ADGRV1: variants seen among roughly 807,000 people sequenced by gnomAD.
The protein encoded by ADGRV1 is G-protein coupled receptor 98.
ADGRV1 carries 359 observed loss-of-function variants against 596.2 expected under a neutral mutation model. The observed-to-expected ratio is 0.60, with a 90% CI of 0.55 to 0.66. The LOEUF is 0.66. Ranked by LOEUF, ADGRV1 falls within the 30% of genes least tolerant of loss-of-function variation. The pLI is 0.00. For missense variants in ADGRV1, 7,274 were observed against 7,575.6 expected, an observed-to-expected ratio of 0.96 and a Z score of 1.48; for synonymous variants, 2,681 against 2,679.2, an observed-to-expected ratio of 1.00 and a Z score of -0.02.
At chr5:90,807,464 C>G (rs1762013084) in intron 72 of ADGRV1, 138 bp from the exon 73 acceptor site, 16 of 838,894 alleles carry the variant, frequency 1.9e-5, no homozygotes, top group Non-Finnish European at 2.6e-5. Context: ...CCCCCGACCC[C>G]TTTTTAAAAA....
chr5:90,569,368 TATATATATATATATATA>T (rs1756100797), intron 1 of ADGRV1, among the ~76,000 whole-genome samples: 1 of 21,376 alleles, frequency 4.7e-5, no homozygotes, highest in East Asian at 1.2e-3. Flanking sequence ...TATATATATA[TATATATATATATATATA>T]TATTTTTTTT....
chr5:90,831,692 A>G (rs928287173), intron 77 of ADGRV1, among the ~76,000 whole-genome samples: 2 of 152,022 alleles, frequency 1.3e-5, no homozygotes, highest in African/African-American at 4.8e-5. Flanking sequence ...CTCATTAACC[A>G]TTCTAACTTC....
At chr5:90,600,233 C>T (rs1420530565) in intron 1 of ADGRV1, among the ~76,000 whole-genome samples, 1 of 152,052 alleles carries the variant, frequency 6.6e-6, no homozygotes, top group African/African-American at 2.4e-5. Flanking sequence ...TATACATATG[C>T]CATGTTGGTT....
chr5:91,040,856 A>G (rs1449761844), intron 85 of ADGRV1, among the ~76,000 whole-genome samples: 4 of 152,206 alleles, frequency 2.6e-5, no homozygotes, highest in Non-Finnish European at 5.9e-5. Flanking sequence ...CACCTTTATG[A>G]ATAGACTCAA....
chr5:90,774,711 T>A (rs1758041116), intron 60 of ADGRV1, among the ~76,000 whole-genome samples: 1 of 152,108 alleles, frequency 6.6e-6, no homozygotes, highest in African/African-American at 2.4e-5. Context: ...GAACACATAA[T>A]TACATGGATA....
chr5:90,941,094 C>G (rs1464352532), intron 83 of ADGRV1, among the ~76,000 whole-genome samples: 1 of 150,810 alleles, frequency 6.6e-6, no homozygotes, highest in Non-Finnish European at 1.5e-5. Context: ...AAAACAAAAC[C>G]AGCTTTTAGA....
chr5:90,928,941 C>CT (rs1483932532), intron 83 of ADGRV1, among the ~76,000 whole-genome samples: 38 of 146,616 alleles, frequency 2.6e-4, no homozygotes, highest in Admixed American at 2.0e-3. Context: ...AGTTAGGCTG[C>CT]TCGGGGGTCA....
At chr5:90,649,105 G>A (rs750014313) in intron 17 of ADGRV1, among the ~76,000 whole-genome samples, 1 of 152,070 alleles carries the variant, frequency 6.6e-6, no homozygotes. Context: ...CCAGGTTCAA[G>A]TGATTCTCCT....
In ADGRV1 at chr5:91,164,169, G is replaced by A. The variant is rs529322158; in HGVS notation, c.*269G>A. ...GTTGTTTTTTTAATCATCCTATATG[G>A]CTAACATTGTTTAATGAAAGTAATA... On this transcript the variant is annotated 3_prime_UTR_variant, in exon 90 of 90. Transcript: ENST00000405460. The A allele has an allele frequency of 8.4e-6, 4 of 475,432 alleles. No homozygotes were observed. In the Admixed American group the frequency reaches 9.1e-5, roughly 11 times the overall value. 29.5% of individuals were successfully genotyped at this position (475,432 alleles called of 1,614,324 possible).
chr5:90,595,648 G>A (rs1317202000), intron 1 of ADGRV1, among the ~76,000 whole-genome samples: 1 of 132,906 alleles, frequency 7.5e-6, no homozygotes, highest in African/African-American at 3.1e-5. Context: ...CGGGGCGGCT[G>A]GCCGGGCGGG....
Position 91,152,371 on chromosome 5 carries a change from G to C in ADGRV1, c.18625-850G>C, listed in dbSNP as rs186579629. Among the ~76,000 whole-genome samples the C allele has an allele frequency of 3.9e-5, 6 of 152,252 alleles. No individual in the cohort carries two copies. The East Asian group carries it at 1.2e-3, about 29-fold the overall frequency. ...TTTCTCAATTTAGTATATCCTTATA[G>C]ATACCTACTATATTTAAAATCCTAT... On this transcript the variant is annotated intron_variant, in intron 88 of 89. Transcript: ENST00000405460.
At chr5:90,782,616 A>G (rs1758969608) in intron 65 of ADGRV1, among the ~76,000 whole-genome samples, 1 of 152,174 alleles carries the variant, frequency 6.6e-6, no homozygotes, top group African/African-American at 2.4e-5. Flanking sequence ...TCAGATTCAC[A>G]AGTAGATTTC....
intron 86 of ADGRV1, among the ~76,000 whole-genome samples, chr5:91,095,955 G>T (rs561626503): frequency 6.6e-6 from 1 of 150,530 alleles, no homozygotes; most frequent in Admixed American, 6.6e-5. Context: ...TAGAGATAGG[G>T]TTTCACATTG....
At chr5:91,013,487 C>T (rs973975164) in intron 85 of ADGRV1, among the ~76,000 whole-genome samples, 1 of 152,002 alleles carries the variant, frequency 6.6e-6, no homozygotes, top group African/African-American at 2.4e-5. Context: ...TCTTCATATG[C>T]CTGTTGGCCA....
At chr5:90,930,285 T>C (rs749370246) in intron 83 of ADGRV1, among the ~76,000 whole-genome samples, 1 of 152,164 alleles carries the variant, frequency 6.6e-6, no homozygotes, top group Non-Finnish European at 1.5e-5. Context: ...ACAAAATGAA[T>C]ACGTTGCCAG....
At chr5:90,766,961 A>G (rs574973721) in intron 59 of ADGRV1, among the ~76,000 whole-genome samples, 6 of 152,326 alleles carry the variant, frequency 3.9e-5, no homozygotes, top group African/African-American at 1.4e-4. Context: ...AGCTGAGCAC[A>G]GAGTTGTTTT....
intron 8 of ADGRV1, 117 bp downstream of exon 8, chr5:90,628,949 C>A: frequency 2.1e-6 from 2 of 943,808 alleles, no homozygotes; most frequent in Non-Finnish European, 3.1e-6. Flanking sequence ...AAAACACTGG[C>A]TTTGCAAATG....
At chr5:90,588,726 C>T (rs376216289) in intron 1 of ADGRV1, among the ~76,000 whole-genome samples, 1 of 152,298 alleles carries the variant, frequency 6.6e-6, no homozygotes, top group East Asian at 1.9e-4. Context: ...TTTTGTATTG[C>T]TATCCTTTCG....
At chr5:90,693,146 T>TTCTTTTTTTTTC (rs1462414206) in intron 32 of ADGRV1, among the ~76,000 whole-genome samples, 1 of 151,438 alleles carries the variant, frequency 6.6e-6, no homozygotes, top group African/African-American at 2.4e-5. Flanking sequence ...TGTTTTTTTT[T>TTCTTTTTTTTTC]TCTTTTTTTG....
Sources: gnomAD v4.1 joint callset for allele counts (sites outside exome capture counted in the v4.1 genomes callset) on GRCh38, gnomAD v4.1.1 for gene constraint, MANE v1.5 for transcripts, NCBI Gene and HGNC (gene_info 2026-07-23, HGNC 2026-07-21) for gene names.